The following SNTG2 variants were observed in gnomAD, a reference collection of about 807,000 sequenced individuals.
SNTG2 encodes the protein syntrophin gamma 2, also known as gamma-2-syntrophin.
A neutral mutation model predicts 70.9 loss-of-function variants in SNTG2; 74 were observed. The observed-to-expected ratio is 1.04, with a 90% CI of 0.86 to 1.27. The LOEUF (loss-of-function observed/expected upper bound fraction) is 1.27. SNTG2 is among the 50% of genes most tolerant of loss of function. SNTG2 has a pLI of 0.00. For missense variants in SNTG2, 717 were observed against 690.7 expected (o/e 1.04, Z -0.43); for synonymous variants, 278 against 273.8 (o/e 1.02, Z -0.15).
intron 13 of SNTG2, among the ~76,000 whole-genome samples, chr2:1,266,266 T>C (rs1348776883): frequency 6.6e-6 from 1 of 152,080 alleles, no homozygotes; most frequent in African/African-American, 2.4e-5. Context: ...GTTGACCTAG[T>C]AATTGTGACA....
Position 1,137,790 on chromosome 2 carries a change from A to C in SNTG2, c.392A>C (p.Asn131Thr), listed in dbSNP as rs745337561. The C allele has an allele frequency of 6.2e-7, 1 of 1,613,132 alleles. No individual in the cohort carries two copies. Among genetic ancestry groups the C allele is most frequent in the African/African-American group, 1.3e-5 (1 of 74,908 alleles). Residue 131 changes from asparagine (N) to threonine (T), a missense_variant, in exon 6 of 17, where the codon AAT (asparagine) becomes ACT (threonine). Transcript: ENST00000308624. The part of the protein sequence containing the change: ...VLQVNGIHVE[N>T]ATHEEVVHLL... ...CAGGTTAATGGCATACATGTAGAAAATGCAACTCATGAAGAAGTGGTAAGT... is the reference window on the plus strand; with the variant it reads ...CAGGTTAATGGCATACATGTAGAAACTGCAACTCATGAAGAAGTGGTAAGT...
At chr2:1,299,746 A>G (rs141531623) in intron 14 of SNTG2, among the ~76,000 whole-genome samples, 236 of 152,318 alleles carry the variant, frequency 1.5e-3, no homozygotes, top group African/African-American at 5.2e-3. Flanking sequence ...GAGTCAGGAC[A>G]CAGGGACAGA....
intron 4 of SNTG2, among the ~76,000 whole-genome samples, chr2:1,124,296 C>T (rs1159735029): frequency 4.3e-5 from 2 of 46,306 alleles, no homozygotes; most frequent in South Asian, 1.0e-3. Flanking sequence ...ATTACTCAGT[C>T]TTTTTTTAAT....
At chr2:1,244,258 C>T (rs1416072633) in intron 11 of SNTG2, among the ~76,000 whole-genome samples, 1 of 152,164 alleles carries the variant, frequency 6.6e-6, no homozygotes, top group African/African-American at 2.4e-5. Context: ...GCCATTCGCT[C>T]GTTTTTTGTT....
chr2:1,223,363 C>CT (rs768167444), intron 9 of SNTG2, among the ~76,000 whole-genome samples: 158 of 60,830 alleles, frequency 2.6e-3, no homozygotes, highest in African/African-American at 5.6e-3. Context: ...CCTGTCCTGC[C>CT]GTGGAGGTGC....
At chr2:985,482 G>T (rs916443313) in intron 1 of SNTG2, among the ~76,000 whole-genome samples, 1 of 152,130 alleles carries the variant, frequency 6.6e-6, no homozygotes, top group Non-Finnish European at 1.5e-5. Context: ...AGGAATAAGA[G>T]GGCCTGCAGC....
intron 1 of SNTG2, among the ~76,000 whole-genome samples, chr2:1,034,887 A>T (rs968449223): frequency 6.6e-6 from 1 of 152,214 alleles, no homozygotes; most frequent in African/African-American, 2.4e-5. Context: ...CCTCTAAACA[A>T]CTTTCCACCC....
intron 9 of SNTG2, among the ~76,000 whole-genome samples, chr2:1,228,791 G>A (rs533873294): frequency 5.3e-4 from 80 of 152,346 alleles, no homozygotes; most frequent in Admixed American, 2.0e-3. Flanking sequence ...GAACGAAGCC[G>A]CGGACCCTCG....
chr2:1,016,457 C>A (rs185038993), intron 1 of SNTG2, among the ~76,000 whole-genome samples: 1 of 152,100 alleles, frequency 6.6e-6, no homozygotes, highest in Non-Finnish European at 1.5e-5. Context: ...GCCAGGTTGG[C>A]CTCAAACTCC....
chr2:1,233,016 G>A (rs1676364736), intron 9 of SNTG2, among the ~76,000 whole-genome samples: 1 of 152,236 alleles, frequency 6.6e-6, no homozygotes. Context: ...AGCCGACAGG[G>A]AGTGACAGGC....
intron 6 of SNTG2, among the ~76,000 whole-genome samples, chr2:1,141,088 A>T: frequency 6.6e-6 from 1 of 152,172 alleles, no homozygotes; most frequent in Non-Finnish European, 1.5e-5. Context: ...TTTGAACAGC[A>T]GGTCAGGGTG....
intron 4 of SNTG2, among the ~76,000 whole-genome samples, chr2:1,117,566 G>A (rs904027586): frequency 1.3e-5 from 2 of 152,112 alleles, no homozygotes; most frequent in Admixed American, 6.5e-5. Flanking sequence ...TGTGCTTTCT[G>A]GGGCTGAGCA....
chr2:1,142,349 G>A (rs888618556), intron 6 of SNTG2, among the ~76,000 whole-genome samples: 1 of 152,186 alleles, frequency 6.6e-6, no homozygotes, highest in African/African-American at 2.4e-5. Flanking sequence ...GCTGCTGCCT[G>A]GGCTCTGCCA....
intron 9 of SNTG2, among the ~76,000 whole-genome samples, chr2:1,234,149 C>T (rs1216268211): frequency 2.0e-5 from 3 of 152,188 alleles, no homozygotes; most frequent in African/African-American, 4.8e-5. Flanking sequence ...CGGAGGAAAC[C>T]GTGAAACTCG....
In SNTG2 at chr2:1,241,279, G is replaced by A. The variant is rs578076867; in HGVS notation, c.888+1503G>A. ...CCGTCCTCTCCCGACCCTCAGAGGG[G>A]TTGTCACCTTGCAGACAGATCCTTG... On this transcript the variant is annotated intron_variant, in intron 11 of 16. Coordinates refer to ENST00000308624, the MANE Select transcript of SNTG2 (RefSeq NM_018968.4). Among the ~76,000 whole-genome samples the A allele has an allele frequency of 2.6e-5, 4 of 152,314 alleles. No homozygotes were observed. In the South Asian group the frequency reaches 8.3e-4, roughly 32 times the overall value.
intron 1 of SNTG2, among the ~76,000 whole-genome samples, chr2:1,066,597 C>G (rs1663168741): frequency 6.6e-6 from 1 of 151,826 alleles, no homozygotes; most frequent in Non-Finnish European, 1.5e-5. Context: ...CTTGATCCAG[C>G]CACTGAGCTG....
intron 8 of SNTG2, among the ~76,000 whole-genome samples, chr2:1,204,471 C>T (rs1673500610): frequency 1.3e-5 from 2 of 152,158 alleles, no homozygotes; most frequent in African/African-American, 4.8e-5. Flanking sequence ...TTTTGCTTTC[C>T]TCAGTTTCAG....
At chr2:1,168,342 A>G in intron 7 of SNTG2, among the ~76,000 whole-genome samples, 1 of 152,246 alleles carries the variant, frequency 6.6e-6, no homozygotes, top group Non-Finnish European at 1.5e-5. Context: ...GGCAGAACTA[A>G]CAGAGCGCCC....
chr2:1,206,217 C>T (rs1476866342), intron 8 of SNTG2, among the ~76,000 whole-genome samples: 2 of 152,210 alleles, frequency 1.3e-5, no homozygotes, highest in Non-Finnish European at 2.9e-5. Flanking sequence ...CACATGAACT[C>T]CCTCAGAGTG....
Sources: allele counts gnomAD v4.1 joint callset (sites outside exome capture counted in the v4.1 genomes callset), GRCh38; gene constraint gnomAD v4.1.1; transcripts MANE v1.5; gene names NCBI Gene and HGNC (gene_info 2026-07-23, HGNC 2026-07-21).